Variants in SYTL5 observed in about 807,000 individuals in gnomAD.
The protein encoded by SYTL5 is synaptotagmin-like protein 5.
In SYTL5, 34 loss-of-function variants were observed where a neutral mutation model predicts 55.9. The observed-to-expected ratio is 0.61, with a 90% CI of 0.46 to 0.81. The LOEUF is 0.81. SYTL5 is among the 30% of genes least tolerant of loss of function. SYTL5 has a pLI of 0.00. For synonymous variants in SYTL5, 221 were observed against 188.7 expected, an observed-to-expected ratio of 1.17 and a Z score of -1.40; for missense variants, 637 against 546.7, an observed-to-expected ratio of 1.17 and a Z score of -1.65.
At chrX:38,115,209 G>C (rs1455381429) in intron 13 of SYTL5, among the ~76,000 whole-genome samples, 1 of 105,139 alleles carries the variant, frequency 9.5e-6, no homozygotes, top group Non-Finnish European at 1.9e-5. Flanking sequence ...TTCAGGCCGG[G>C]CGCGGTGGCT....
chrX:38,064,194 G>T (rs768722533), intron 3 of SYTL5, among the ~76,000 whole-genome samples: 59 of 111,095 alleles, frequency 5.3e-4, no homozygotes, highest in Non-Finnish European at 1.0e-3. Flanking sequence ...ACGGCAGATT[G>T]TGCATCTGGG....
chrX:38,024,982 G>T (rs754696304), intron 1 of SYTL5, among the ~76,000 whole-genome samples: 1 of 111,681 alleles, frequency 9.0e-6, no homozygotes, highest in Admixed American at 9.5e-5. Context: ...ATTCAGTTTG[G>T]GGTTCGTTGT....
the SYTL5 span, among the ~76,000 whole-genome samples, chrX:37,932,939 T>C: frequency 2.7e-5 from 3 of 110,720 alleles, no homozygotes; most frequent in African/African-American, 6.6e-5. Context: ...GGTCTCGGGG[T>C]AGTTGCCCTT....
At chrX:37,960,997 C>T in the SYTL5 span, among the ~76,000 whole-genome samples, 21 of 108,823 alleles carry the variant, frequency 1.9e-4, no homozygotes, top group African/African-American at 6.7e-4. Flanking sequence ...GGGGTTTCAC[C>T]GTGGTCTCGA....
rs900252109 is a variant in SYTL5 at position 38,012,144 on chromosome X, C to G, written c.-357+5476C>G. Among the ~76,000 whole-genome samples, 7 of 112,113 alleles carry G rather than the reference C, an allele frequency of 6.2e-5. No individual in the cohort carries two copies. In the East Asian group the frequency reaches 1.9e-3, roughly 31 times the overall value. ...TTCTAACAGAATGCCAGGAAACACTCTGTTCCTACAATAAGAACATGTCTG... is the reference window on the plus strand; with the variant it reads ...TTCTAACAGAATGCCAGGAAACACTGTGTTCCTACAATAAGAACATGTCTG... On this transcript the variant is annotated intron_variant, in intron 1 of 16. Transcript: ENST00000297875.
chrX:38,063,412 C>A (rs1412780426), intron 3 of SYTL5, among the ~76,000 whole-genome samples: 1 of 111,428 alleles, frequency 9.0e-6, no homozygotes, highest in Non-Finnish European at 1.9e-5. Context: ...AGTATGGTAC[C>A]TTAATAGCTA....
chrX:38,115,308 C>A (rs1395240229), intron 13 of SYTL5, among the ~76,000 whole-genome samples: 9 of 101,701 alleles, frequency 8.8e-5, no homozygotes, highest in Non-Finnish European at 1.6e-4. Context: ...CACAGTGAAA[C>A]CCCGTCTCTA....
At chrX:38,075,945 T>C (rs1936379522) in intron 5 of SYTL5, among the ~76,000 whole-genome samples, 2 of 112,474 alleles carry the variant, frequency 1.8e-5, no homozygotes, top group Admixed American at 1.9e-4. Context: ...CTGTTTCTGC[T>C]TAAACCCCAA....
chrX:38,047,534 A>T (rs1194313386), intron 2 of SYTL5, among the ~76,000 whole-genome samples: 1 of 111,906 alleles, frequency 8.9e-6, no homozygotes, highest in Admixed American at 9.4e-5. Context: ...TGCCCATGAA[A>T]CCTTTTTTTG....
At chrX:38,010,660 T>G (rs909130142) in intron 1 of SYTL5, among the ~76,000 whole-genome samples, 3 of 111,523 alleles carry the variant, frequency 2.7e-5, no homozygotes, top group African/African-American at 9.8e-5. Flanking sequence ...TCCTCTATAT[T>G]CTAGAAATCC....
chrX:38,121,733 A>T (rs896142154), intron 14 of SYTL5, among the ~76,000 whole-genome samples: 1 of 112,378 alleles, frequency 8.9e-6, no homozygotes, highest in African/African-American at 3.2e-5. Context: ...TGTCTTCATC[A>T]TAGTTATTTC....
chrX:37,904,290 A>T, the SYTL5 span, among the ~76,000 whole-genome samples: 1 of 105,236 alleles, frequency 9.5e-6, no homozygotes, highest in Non-Finnish European at 2.0e-5. Context: ...TATTTCCTGC[A>T]AGGTAGGGTT....
chrX:38,034,543 A>G (rs1285378298), intron 2 of SYTL5, among the ~76,000 whole-genome samples: 2 of 112,520 alleles, frequency 1.8e-5, no homozygotes, highest in Non-Finnish European at 3.7e-5. Context: ...CTGCGAGAAG[A>G]AAGGGACCTG....
At chrX:38,082,037 C>T (rs1178874928) in intron 6 of SYTL5, among the ~76,000 whole-genome samples, 3 of 111,947 alleles carry the variant, frequency 2.7e-5, no homozygotes, top group African/African-American at 9.8e-5. Context: ...CGCAGTTTGT[C>T]AGACCACTGT....
the SYTL5 span, among the ~76,000 whole-genome samples, chrX:37,953,987 C>G: frequency 9.0e-6 from 1 of 111,032 alleles, no homozygotes; most frequent in Non-Finnish European, 1.9e-5. Context: ...TTGAGATATT[C>G]AAGTTAAAGA....
At chrX:37,986,609 G>A in the SYTL5 span, among the ~76,000 whole-genome samples, 1 of 111,649 alleles carries the variant, frequency 9.0e-6, no homozygotes, top group East Asian at 2.8e-4. Context: ...TTGGGCATAA[G>A]ACAATATGAG....
At chrX:37,970,235 A>G in the SYTL5 span, among the ~76,000 whole-genome samples, 11 of 111,101 alleles carry the variant, frequency 9.9e-5, no homozygotes, top group Non-Finnish European at 2.1e-4. Flanking sequence ...TTCATTCACA[A>G]CATGTTTAGA....
chrX:37,983,377 G>A, the SYTL5 span, among the ~76,000 whole-genome samples: 3 of 111,668 alleles, frequency 2.7e-5, no homozygotes, highest in South Asian at 3.7e-4. Flanking sequence ...AAGCTGGAGT[G>A]GCTATATTAA....
chrX:37,941,689 G>A, the SYTL5 span, among the ~76,000 whole-genome samples: 6 of 111,810 alleles, frequency 5.4e-5, no homozygotes, highest in African/African-American at 6.5e-5. Flanking sequence ...TCTCTAAGAC[G>A]TGACTTTGCA....
Sources: gnomAD v4.1 joint callset for allele counts (sites outside exome capture counted in the v4.1 genomes callset) on GRCh38, gnomAD v4.1.1 for gene constraint, MANE v1.5 for transcripts, NCBI Gene and HGNC (gene_info 2026-07-23, HGNC 2026-07-21) for gene names.